EPS15: variants seen among roughly 807,000 people sequenced by gnomAD.
EPS15 encodes epidermal growth factor receptor substrate 15.
EPS15 carries 72 observed loss-of-function variants against 113.8 expected under a neutral mutation model. The observed-to-expected ratio is 0.63, with a 90% CI of 0.52 to 0.77. EPS15 has a LOEUF of 0.77. Ranked by LOEUF, EPS15 falls within the 30% of genes least tolerant of loss-of-function variation. The pLI is 0.00. For missense variants in EPS15, 1,048 were observed against 1,045.8 expected, an observed-to-expected ratio of 1.00 and a Z score of -0.03; for synonymous variants, 344 against 363.4, an observed-to-expected ratio of 0.95 and a Z score of 0.61.
rs139059168 is a variant in EPS15, at chr1:51,515,447, G to A, written c.33+3752C>T. Among the ~76,000 whole-genome samples the A allele has an allele frequency of 2.6e-5, 4 of 151,778 alleles. No individual in the cohort carries two copies. In the East Asian group the frequency reaches 7.7e-4, roughly 29 times the overall value. On this transcript the variant is annotated intron_variant, in intron 1 of 24. Coordinates refer to ENST00000371733, the MANE Select transcript of EPS15 (RefSeq NM_001981.3). ...TGATCATGCCACTGTACTCCAACAT[G>A]GGTGACAGAGTGTGATCCTGTCTCA...
At chr1:51,447,890 T>C (rs890824608) in intron 9 of EPS15, 156 bp downstream of exon 9, 4 of 767,864 alleles carry the variant, frequency 5.2e-6, no homozygotes, top group Non-Finnish European at 6.3e-6. Flanking sequence ...TTAAATGCCA[T>C]GTACTTTGTT....
At chr1:51,447,306 G>C (rs1348851887) in intron 9 of EPS15, among the ~76,000 whole-genome samples, 2 of 152,144 alleles carry the variant, frequency 1.3e-5, no homozygotes, top group African/African-American at 4.8e-5. Context: ...ATACAGGTCA[G>C]TTAGGACTTA....
chr1:51,398,711 T>C (rs967221134), intron 20 of EPS15, among the ~76,000 whole-genome samples: 2 of 152,232 alleles, frequency 1.3e-5, no homozygotes, highest in Non-Finnish European at 2.9e-5. Flanking sequence ...ATACCAAACA[T>C]TTCAGAAAAG....
At chr1:51,438,695 T>C (rs1652350218) in intron 12 of EPS15, among the ~76,000 whole-genome samples, 1 of 152,156 alleles carries the variant, frequency 6.6e-6, no homozygotes, top group Non-Finnish European at 1.5e-5. Flanking sequence ...AAATGAACAG[T>C]ATAAACACCA....
intron 1 of EPS15, among the ~76,000 whole-genome samples, chr1:51,492,539 C>G (rs1644253238): frequency 6.6e-6 from 1 of 151,882 alleles, no homozygotes; most frequent in Admixed American, 6.6e-5. Flanking sequence ...ATGTAAAGAC[C>G]ATATCACCAA....
intron 13 of EPS15, among the ~76,000 whole-genome samples, chr1:51,419,781 G>A (rs1168450723): frequency 2.6e-5 from 4 of 151,990 alleles, no homozygotes; most frequent in Non-Finnish European, 5.9e-5. Context: ...CAGTACCAAT[G>A]GGTAAATCAG....
intron 1 of EPS15, among the ~76,000 whole-genome samples, chr1:51,492,489 T>C (rs1644252525): frequency 6.6e-6 from 1 of 152,044 alleles, no homozygotes; most frequent in Non-Finnish European, 1.5e-5. Flanking sequence ...CAAAAGAATT[T>C]CAAAGAGATA....
chr1:51,386,760 G>A (rs1647087450), intron 21 of EPS15, among the ~76,000 whole-genome samples: 1 of 152,138 alleles, frequency 6.6e-6, no homozygotes, highest in African/African-American at 2.4e-5. Context: ...AAGAAGGGAA[G>A]TTTAGAGAAA....
intron 6 of EPS15, among the ~76,000 whole-genome samples, chr1:51,464,391 C>T (rs993715841): frequency 5.3e-5 from 8 of 151,956 alleles, no homozygotes; most frequent in Non-Finnish European, 1.2e-4. Context: ...AGGCGCCTGC[C>T]ACCACACCCA....
rs1553139559 is a variant in EPS15, at chr1:51,508,330, G to GAA, written c.33+10868_33+10869insTT. 6.1e-3 allele frequency among the ~76,000 whole-genome samples: 612 copies of GAA among 100,026 alleles called. 3 individuals are homozygous for GAA. The highest frequency in any genetic ancestry group is 0.02 in the African/African-American group (501 of 24,910). The allele number at this position is 100,026 out of a possible 152,430, so 65.6% of individuals were successfully genotyped here. On this transcript the variant is annotated intron_variant, in intron 1 of 24. Coordinates refer to ENST00000371733, the MANE Select transcript of EPS15 (RefSeq NM_001981.3). ...AGAGAGAAAGAGAGAAAGAGAGAAAGAGAAAGAGAGAAAGAAAGAAAGAAA... is the reference window on the plus strand; with the variant it reads ...AGAGAGAAAGAGAGAAAGAGAGAAAGAAAGAAAGAGAGAAAGAAAGAAAGAAA...
At chr1:51,421,413 TTGATGA>T (rs3991374) in intron 13 of EPS15, among the ~76,000 whole-genome samples, 5 of 151,928 alleles carry the variant, frequency 3.3e-5, no homozygotes, top group South Asian at 2.1e-4. Context: ...ATACTGGTTT[TTGATGA>T]TGATGATGAT....
At chr1:51,450,763 A>T (rs1653482657) in intron 8 of EPS15, among the ~76,000 whole-genome samples, 2 of 151,978 alleles carry the variant, frequency 1.3e-5, no homozygotes, top group African/African-American at 2.4e-5. Context: ...AAAAAGATTA[A>T]TTGCAGCACC....
chr1:51,492,015 A>T (rs958917945), intron 1 of EPS15, among the ~76,000 whole-genome samples: 18 of 151,684 alleles, frequency 1.2e-4, no homozygotes, highest in African/African-American at 4.1e-4. Flanking sequence ...CACCCAGCTA[A>T]TTTTTGTATT....
At chr1:51,444,763 A>C in intron 11 of EPS15, 126 bp downstream of exon 11, 1 of 894,544 alleles carries the variant, frequency 1.1e-6, no homozygotes, top group Non-Finnish European at 1.7e-6. Context: ...AACCACAAAC[A>C]GTATACTGTT....
chr1:51,382,015 TGTTCTTTGA>T (rs1646952391), intron 21 of EPS15, among the ~76,000 whole-genome samples: 1 of 152,130 alleles, frequency 6.6e-6, no homozygotes, highest in African/African-American at 2.4e-5. Context: ...ACCAAGAGTT[TGTTCTTTGA>T]AAAGATCAAC....
chr1:51,499,716 G>A (rs566216528), intron 1 of EPS15, among the ~76,000 whole-genome samples: 2 of 151,966 alleles, frequency 1.3e-5, no homozygotes, highest in South Asian at 4.2e-4. Flanking sequence ...ATTTTCTTGT[G>A]AACTTACTGG....
intron 24 of EPS15, among the ~76,000 whole-genome samples, chr1:51,358,402 TC>T (rs368763046): frequency 1.8e-3 from 270 of 152,370 alleles, no homozygotes; most frequent in African/African-American, 6.1e-3. Context: ...AATATTTTTA[TC>T]TACCCCAAAC....
intron 16 of EPS15, among the ~76,000 whole-genome samples, chr1:51,403,806 T>C (rs1330646622): frequency 1.3e-5 from 2 of 152,168 alleles, no homozygotes. Context: ...ATCCTTGCCT[T>C]CTTCTCCATC....
At chr1:51,445,894 A>G (rs909941968) in intron 10 of EPS15, among the ~76,000 whole-genome samples, 1 of 152,184 alleles carries the variant, frequency 6.6e-6, no homozygotes, top group Admixed American at 6.5e-5. Flanking sequence ...TAAAGACAGG[A>G]TATATAAAAA....
Sources: gnomAD v4.1 joint callset for allele counts (sites outside exome capture counted in the v4.1 genomes callset) on GRCh38, gnomAD v4.1.1 for gene constraint, MANE v1.5 for transcripts, NCBI Gene and HGNC (gene_info 2026-07-23, HGNC 2026-07-21) for gene names.